ATP11B: variants seen among roughly 807,000 people sequenced by gnomAD.
ATP11B encodes ATPase phospholipid transporting 11B (putative).
ATP11B carries 81 observed loss-of-function variants against 157.8 expected under a neutral mutation model. The ratio of observed to expected loss-of-function variants is 0.51; its 90% CI spans 0.43 to 0.62. ATP11B has a LOEUF of 0.62. ATP11B is among the 20% of genes least tolerant of loss of function. ATP11B has a pLI of 0.00. For missense variants in ATP11B, 1,165 were observed against 1,402.2 expected (o/e 0.83, Z 2.70); for synonymous variants, 451 against 469.4 (o/e 0.96, Z 0.51).
At chr3:182,865,324 A>G (rs1721147042) in intron 12 of ATP11B, 132 bp from the exon 13 acceptor site, 2 of 778,928 alleles carry the variant, frequency 2.6e-6, no homozygotes, top group African/African-American at 1.8e-5. Context: ...GGATTATAAG[A>G]ATCTCAGCAT....
At chr3:182,894,815 G>T (rs1577090451) in intron 25 of ATP11B, among the ~76,000 whole-genome samples, 1 of 151,816 alleles carries the variant, frequency 6.6e-6, no homozygotes, top group Admixed American at 6.6e-5. Flanking sequence ...CAGGTCCCCG[G>T]TTGCATCAAA....
Position 182,889,533 on chromosome 3 carries a change from G to A in ATP11B, c.2967G>A (p.Leu989=), listed in dbSNP as rs1398870676. 1.9e-6 allele frequency: 3 copies of A among 1,554,042 alleles called. No individual in the cohort carries two copies. Among genetic ancestry groups the A allele is most frequent in the Non-Finnish European group, 2.6e-6 (3 of 1,160,100 alleles). Residue 989 remains leucine (L), a synonymous_variant, in exon 25 of 30, where the codon CTG becomes CTA. Transcript: ENST00000323116. ...TACTAATAGGGAAAGATACATCTCTGCTTGGAAATGGCCAGGTAAAGTATA... is the reference window on the plus strand; with the variant it reads ...TACTAATAGGGAAAGATACATCTCTACTTGGAAATGGCCAGGTAAAGTATA... ...SYLLIGKDTS[L]LGNGQMFGNW... is the part of the protein sequence containing the mutation.
chr3:182,869,173 G>T (rs1455058176), intron 16 of ATP11B, 22 bp downstream of exon 16: 2 of 1,600,690 alleles, frequency 1.2e-6, no homozygotes, highest in South Asian at 2.2e-5. Context: ...AAACTTTCAT[G>T]AATTTTTATT....
chr3:182,842,972 C>G (rs548277478), intron 8 of ATP11B, among the ~76,000 whole-genome samples: 19 of 152,212 alleles, frequency 1.2e-4, no homozygotes, highest in Non-Finnish European at 2.6e-4. Flanking sequence ...CTTACCAGTC[C>G]TCTCAGATTC....
chr3:182,843,226 A>T (rs991930628), intron 8 of ATP11B, among the ~76,000 whole-genome samples: 1 of 152,220 alleles, frequency 6.6e-6, no homozygotes, highest in African/African-American at 2.4e-5. Flanking sequence ...TTTGCATTTC[A>T]TCTGCTAGTA....
rs904714715 is a variant in ATP11B at position 182,842,736 on chromosome 3, G to A, written c.704+614G>A. Among the ~76,000 whole-genome samples, 4 of 152,162 alleles carry A rather than the reference G, an allele frequency of 2.6e-5. No individual in the cohort carries two copies. In the East Asian group the frequency reaches 7.7e-4, roughly 29 times the overall value. Reference sequence around the variant, plus strand: ...ATTATAACAAAAGACTGTAACAAGGGCTATGGGAGTTATGAGCCAGGGACC... The same window carrying A: ...ATTATAACAAAAGACTGTAACAAGGACTATGGGAGTTATGAGCCAGGGACC... On this transcript the variant is annotated intron_variant, in intron 8 of 29. Coordinates refer to ENST00000323116, the MANE Select transcript of ATP11B (RefSeq NM_014616.3).
rs572600718 is a variant in ATP11B at position 182,845,662 on chromosome 3, G to A, written c.769+140G>A. 6.0e-4 allele frequency: 373 copies of A among 619,076 alleles called. 2 individuals are homozygous for A. In the African/African-American group the frequency reaches 6.8e-3, roughly 11 times the overall value. The allele number at this position is 619,076 out of a possible 1,614,324, so 38.3% of individuals were successfully genotyped here. ...TTATGATAATTTTCTTATAAAGTTT[G>A]TATTACAGTAGTCGTGTATTGAACT... On this transcript the variant is annotated intron_variant, in intron 9 of 29. Transcript: ENST00000323116.
At chr3:182,827,460 T>C (rs1472331479) in intron 2 of ATP11B, among the ~76,000 whole-genome samples, 1 of 152,070 alleles carries the variant, frequency 6.6e-6, no homozygotes, top group Non-Finnish European at 1.5e-5. Flanking sequence ...GGTCATTTAG[T>C]GAGTATTACA....
At chr3:182,809,653 TA>T (rs1438703699) in intron 1 of ATP11B, among the ~76,000 whole-genome samples, 1 of 152,212 alleles carries the variant, frequency 6.6e-6, no homozygotes, top group Non-Finnish European at 1.5e-5. Flanking sequence ...TTCTAAGCTC[TA>T]AGCAAGTATA....
chr3:182,910,071 CAGAAAAA>C (rs1458307961), intron 28 of ATP11B, among the ~76,000 whole-genome samples: 104 of 72,308 alleles, frequency 1.4e-3, no homozygotes, highest in African/African-American at 5.4e-3. Flanking sequence ...ACTCGGCCTC[CAGAAAAA>C]AAAAAAAAAA....
chr3:182,834,997 C>T (rs1440263014), intron 4 of ATP11B, among the ~76,000 whole-genome samples: 22 of 152,082 alleles, frequency 1.4e-4, no homozygotes. Flanking sequence ...TTAAGAGGAT[C>T]ATAAGGAAGA....
chr3:182,887,201 G>T (rs901967823), intron 23 of ATP11B, among the ~76,000 whole-genome samples: 1 of 152,126 alleles, frequency 6.6e-6, no homozygotes, highest in African/African-American at 2.4e-5. Context: ...TAGACAGGGA[G>T]ACAAAGCCAT....
chr3:182,863,056 A>G lies in ATP11B; in HGVS notation c.1201-2400A>G, dbSNP rs192793303. 3.3e-3 allele frequency among the ~76,000 whole-genome samples: 494 copies of G among 151,966 alleles called. 3 individuals are homozygous for G. The highest frequency in any genetic ancestry group is 0.011 in the African/African-American group (474 of 41,458). On this transcript the variant is annotated intron_variant, in intron 12 of 29. Transcript: ENST00000323116. ...TCAGCCTCTCCGAGTAGTTGGGACT[A>G]CAGGCACCCGCCACCACACCTGGCT...
At chr3:182,813,477 T>G (rs1041533609) in intron 1 of ATP11B, among the ~76,000 whole-genome samples, 1 of 152,188 alleles carries the variant, frequency 6.6e-6, no homozygotes, top group Non-Finnish European at 1.5e-5. Flanking sequence ...TTTTGATTTG[T>G]ATTCCCCTAA....
In ATP11B at chr3:182,874,839, T is replaced by G. The variant is rs796415725; in HGVS notation, c.2252+824T>G. 2.6e-5 allele frequency among the ~76,000 whole-genome samples: 4 copies of G among 152,178 alleles called. No individual in the cohort carries two copies. In the East Asian group the frequency reaches 7.7e-4, roughly 29 times the overall value. On this transcript the variant is annotated intron_variant, in intron 19 of 29. Transcript: ENST00000323116. The stretch of plus-strand genomic sequence containing the variant: ...ACTCAATGATTACTACATTTTTATC[T>G]TAGTGAAAATTTTGTTGAGATTTTT...
At chr3:182,876,911 T>G (rs987766638) in intron 19 of ATP11B, among the ~76,000 whole-genome samples, 1 of 152,248 alleles carries the variant, frequency 6.6e-6, no homozygotes, top group Non-Finnish European at 1.5e-5. Flanking sequence ...TGATGGAATA[T>G]ATTTTATGAG....
At position 182,793,588 on chromosome 3, in the gene ATP11B, G is replaced by C; in HGVS notation, c.-172G>C. The C allele has an allele frequency of 5.2e-6, 2 of 386,316 alleles. No homozygotes were observed. The highest frequency in any genetic ancestry group is 4.6e-5 in the Admixed American group (1 of 21,658). The allele number at this position is 386,316 out of a possible 1,614,324, so 23.9% of individuals were successfully genotyped here. ...CGGGGCCGCGCCTGTAGGACTCGGG[G>C]CCGACGCCGCGGGATGGGGACGCGG... On this transcript the variant is annotated 5_prime_UTR_variant, in exon 1 of 30. Transcript: ENST00000323116.
At chr3:182,883,591 A>G (rs1295912732) in intron 21 of ATP11B, among the ~76,000 whole-genome samples, 2 of 151,790 alleles carry the variant, frequency 1.3e-5, no homozygotes, top group African/African-American at 4.8e-5. Flanking sequence ...CCACATTTTT[A>G]TACGTGTTTT....
rs544475638 is a variant in ATP11B at position 182,850,718 on chromosome 3, A to G, written c.851+2161A>G. On this transcript the variant is annotated intron_variant, in intron 10 of 29. Transcript: ENST00000323116. ...AAAAACGTAATTACCATATGATCCA[A>G]CAATCCCACTACTGGGTTTTATCCA... Among the ~76,000 whole-genome samples, 6 of 152,340 alleles carry G rather than the reference A, an allele frequency of 3.9e-5. No homozygotes were observed. The South Asian group carries it at 1.0e-3, about 26-fold the overall frequency.
Sources: gnomAD v4.1 joint callset for allele counts (sites outside exome capture counted in the v4.1 genomes callset) on GRCh38, gnomAD v4.1.1 for gene constraint, MANE v1.5 for transcripts, NCBI Gene and HGNC (gene_info 2026-07-23, HGNC 2026-07-21) for gene names.